DENND2A: variants seen among roughly 807,000 people sequenced by gnomAD.
DENND2A encodes the protein DENN domain-containing protein 2A.
In DENND2A, 53 loss-of-function variants were observed where a neutral mutation model predicts 105.3. The ratio of observed to expected loss-of-function variants is 0.50; its 90% CI spans 0.40 to 0.63. DENND2A has a LOEUF of 0.63. DENND2A is among the 30% of genes least tolerant of loss of function. DENND2A has a pLI of 0.00. For synonymous variants in DENND2A, 522 were observed against 508.4 expected, an observed-to-expected ratio of 1.03 and a Z score of -0.36; for missense variants, 1,138 against 1,279.6, an observed-to-expected ratio of 0.89 and a Z score of 1.69.
At chr7:140,568,981 G>A (rs1235499154) in intron 7 of DENND2A, among the ~76,000 whole-genome samples, 168 bp from the exon 8 acceptor site, 2 of 152,056 alleles carry the variant, frequency 1.3e-5, no homozygotes, top group Non-Finnish European at 2.9e-5. Context: ...CTGGAGTGCA[G>A]TGGCGCAATC....
intron 1 of DENND2A, among the ~76,000 whole-genome samples, chr7:140,618,033 TAGA>T (rs1800146629): frequency 1.3e-5 from 2 of 152,184 alleles, no homozygotes; most frequent in African/African-American, 4.8e-5. Flanking sequence ...AGGGTGAAAA[TAGA>T]AGAAGTGCAA....
intron 1 of DENND2A, among the ~76,000 whole-genome samples, chr7:140,627,760 C>T (rs757309485): frequency 6.6e-6 from 1 of 151,940 alleles, no homozygotes; most frequent in Non-Finnish European, 1.5e-5. Context: ...CTCCTGGGCT[C>T]ATGCAATCTT....
At chr7:140,538,943 C>T (rs763568413) in intron 14 of DENND2A, among the ~76,000 whole-genome samples, 4 of 152,064 alleles carry the variant, frequency 2.6e-5, no homozygotes, top group African/African-American at 9.7e-5. Context: ...CCTGCCTCAG[C>T]CTCCTGAGTA....
chr7:140,574,152 A>T, intron 5 of DENND2A, 144 bp from the exon 6 acceptor site: 1 of 827,226 alleles, frequency 1.2e-6, no homozygotes, highest in East Asian at 2.6e-5. Context: ...TGGTTATGCC[A>T]GTAAGTGTTC....
At chr7:140,530,034 G>A (rs1796204837) in intron 14 of DENND2A, among the ~76,000 whole-genome samples, 1 of 150,404 alleles carries the variant, frequency 6.6e-6, no homozygotes, top group Non-Finnish European at 1.5e-5. Flanking sequence ...GACCAACCTG[G>A]GCAACATGGT....
At chr7:140,590,304 C>T (rs189304119) in intron 3 of DENND2A, among the ~76,000 whole-genome samples, 256 of 151,746 alleles carry the variant, frequency 1.7e-3, no homozygotes, top group African/African-American at 5.4e-3. Flanking sequence ...GCAGGAGAAT[C>T]GCTTGAACCG....
chr7:140,552,385 CCTT>C (rs1206036421), intron 12 of DENND2A, among the ~76,000 whole-genome samples: 5 of 151,440 alleles, frequency 3.3e-5, no homozygotes, highest in Admixed American at 2.0e-4. Context: ...CCTTTCCCTT[CCTT>C]CTTCTTTCTT....
intron 5 of DENND2A, among the ~76,000 whole-genome samples, chr7:140,585,007 T>C (rs573384454): frequency 6.6e-6 from 1 of 152,308 alleles, no homozygotes; most frequent in East Asian, 1.9e-4. Flanking sequence ...AAGATTAGCA[T>C]GGCCAACATG....
intron 5 of DENND2A, among the ~76,000 whole-genome samples, chr7:140,579,393 C>A (rs1011009856): frequency 2.6e-5 from 3 of 116,320 alleles, no homozygotes; most frequent in Non-Finnish European, 5.1e-5. Context: ...AATGACAAAT[C>A]TTTTCTTTTT....
At chr7:140,619,883 C>T (rs1368737781) in intron 1 of DENND2A, among the ~76,000 whole-genome samples, 13 of 151,800 alleles carry the variant, frequency 8.6e-5, no homozygotes, top group Non-Finnish European at 1.5e-5. Context: ...ATATCTCAAT[C>T]AAGCTATTAT....
At chr7:140,607,659 G>T (rs2130697931) in intron 1 of DENND2A, among the ~76,000 whole-genome samples, 1 of 152,314 alleles carries the variant, frequency 6.6e-6, no homozygotes, top group Middle Eastern at 3.4e-3. Flanking sequence ...GCTCTGCAGA[G>T]CTGAAAGCTT....
At chr7:140,593,873 C>T (rs1799167212) in intron 3 of DENND2A, among the ~76,000 whole-genome samples, 1 of 152,036 alleles carries the variant, frequency 6.6e-6, no homozygotes, top group Non-Finnish European at 1.5e-5. Context: ...AGGCTGCTGA[C>T]AGGATGGTCT....
At chr7:140,524,927 CCAG>C in intron 16 of DENND2A, among the ~76,000 whole-genome samples, 1 of 149,974 alleles carries the variant, frequency 6.7e-6, no homozygotes, top group South Asian at 2.1e-4. Flanking sequence ...GCTCTGTCGC[CCAG>C]GTTGGAGTGC....
chr7:140,595,458 C>A (rs1799244141), intron 3 of DENND2A, among the ~76,000 whole-genome samples: 2 of 151,986 alleles, frequency 1.3e-5, no homozygotes, highest in Admixed American at 6.6e-5. Flanking sequence ...GGATTATTTT[C>A]CTCTATGGAT....
chr7:140,583,492 G>A (rs1798629335), intron 5 of DENND2A, among the ~76,000 whole-genome samples: 1 of 150,140 alleles, frequency 6.7e-6, no homozygotes, highest in Admixed American at 6.6e-5. Flanking sequence ...CAAGGGCAGA[G>A]TTAAAAATGA....
chr7:140,623,398 G>C (rs1422364641), intron 1 of DENND2A, among the ~76,000 whole-genome samples: 2 of 151,280 alleles, frequency 1.3e-5, no homozygotes, highest in Admixed American at 1.3e-4. Context: ...TCTTAGTAAG[G>C]CTGTAGTCAG....
Position 140,609,445 on chromosome 7 carries a change from G to A in DENND2A, c.-247-3639C>T, listed in dbSNP as rs368330053. Among the ~76,000 whole-genome samples the A allele has an allele frequency of 3.0e-4, 46 of 152,210 alleles. No individual in the cohort carries two copies. The East Asian group carries it at 4.5e-3, about 15-fold the overall frequency. On this transcript the variant is annotated intron_variant, in intron 1 of 19. Coordinates refer to ENST00000496613, the MANE Select transcript of DENND2A (RefSeq NM_015689.5). ...GAAGAATCGCTTGAACCCAGGAGGC[G>A]GAAGTTGCAGTAAGCCGAGATCGCC...
rs1214418486 is a variant in DENND2A at position 140,602,076 on chromosome 7, T to C, written c.322A>G (p.Lys108Glu). Residue 108 changes from lysine to glutamate, a missense_variant, in exon 3 of 20, where the codon AAG becomes GAG. Lys to Glu is a moderately conservative substitution (Grantham distance 56). Around this residue, in one of 2 missense-constraint regions of DENND2A, gnomAD observed 511 missense variants for 499.9 expected, o/e 1.02. Transcript: ENST00000496613. ...GMRPGTESTEKERNKGAVNVG... is the reference protein window; with the variant it reads ...GMRPGTESTEEERNKGAVNVG... ...TTCACTGCTCCTTTATTCCTCTCCT[T>C]CTCTGTGCTCTCTGTTCCTGGCCTC... The C allele has an allele frequency of 6.2e-7, 1 of 1,614,088 alleles. No homozygotes were observed. Among genetic ancestry groups the C allele is most frequent in the Admixed American group, 1.7e-5 (1 of 60,018 alleles).
chr7:140,617,544 G>A (rs536209117), intron 1 of DENND2A, among the ~76,000 whole-genome samples: 1 of 152,192 alleles, frequency 6.6e-6, no homozygotes, highest in South Asian at 2.1e-4. Context: ...TGGTGAAACC[G>A]TCTCTACAAA....
Sources: gnomAD v4.1 joint callset for allele counts (sites outside exome capture counted in the v4.1 genomes callset) on GRCh38, gnomAD v4.1.1 for gene constraint, gnomAD v4.1.1 regional missense constraint, MANE v1.5 for transcripts, NCBI Gene and HGNC (gene_info 2026-07-23, HGNC 2026-07-21) for gene names.